Variants in KAZN observed in about 807,000 individuals in gnomAD.
The protein encoded by KAZN is kazrin, periplakin interacting protein.
In KAZN, 40 loss-of-function variants were observed where a neutral mutation model predicts 87.4. That is an observed-to-expected ratio of 0.46 (90% CI 0.36 to 0.60). The LOEUF (loss-of-function observed/expected upper bound fraction) is 0.60. Among genes scored for constraint, KAZN ranks in the 20% least tolerant of loss-of-function variants. The pLI is 0.00. For synonymous variants in KAZN, 466 were observed against 458.3 expected, an observed-to-expected ratio of 1.02 and a Z score of -0.22; for missense variants, 898 against 1,073.9, an observed-to-expected ratio of 0.84 and a Z score of 2.29.
At chr1:14,296,061 A>G (rs2185240) in intron 2 of KAZN, among the ~76,000 whole-genome samples, 13,029 of 152,200 alleles carry the variant, frequency 0.086, 722 homozygotes, top group African/African-American at 0.16. Context: ...TAGGGTTGCC[A>G]TAAGGATTAA....
rs111716688 is a variant in KAZN, at chr1:15,109,783, G to A, written c.2049-2644G>A. 4.6e-4 allele frequency among the ~76,000 whole-genome samples: 19 copies of A among 41,294 alleles called. 1 individual carries two copies. The South Asian group carries it at 0.01, about 23-fold the overall frequency. 27.1% of individuals were successfully genotyped at this position (41,294 alleles called of 152,430 possible). On this transcript the variant is annotated intron_variant, in intron 13 of 14. Transcript: ENST00000376030. ...TGTGTCTGTATGTCTGTGTATATAT[G>A]TGTTTGTGTGTATGTGTATGTGTGT...
chr1:14,697,239 C>T lies in KAZN; in HGVS notation c.226+98016C>T, dbSNP rs1005940156. On this transcript the variant is annotated intron_variant, in intron 1 of 14. Coordinates refer to ENST00000376030, the MANE Select transcript of KAZN (RefSeq NM_201628.3). ...CAGCTACTCCAGAGGCTGAGGCAGG[C>T]GGATTGTTTAAGCCCCGGGGGTCAA... Among the ~76,000 whole-genome samples the T allele has an allele frequency of 6.6e-5, 10 of 151,096 alleles. No individual in the cohort carries two copies. The South Asian group carries it at 8.4e-4, about 13-fold the overall frequency.
intron 1 of KAZN, among the ~76,000 whole-genome samples, chr1:13,990,555 G>A (rs1314002030): frequency 6.6e-6 from 1 of 152,286 alleles, no homozygotes; most frequent in Non-Finnish European, 1.5e-5. Context: ...GAGGGGACAC[G>A]CGGGAGCTTT....
chr1:14,754,078 A>G (rs1572398052), intron 1 of KAZN, among the ~76,000 whole-genome samples: 1 of 152,142 alleles, frequency 6.6e-6, no homozygotes, highest in African/African-American at 2.4e-5. Context: ...GGCTGTGTAC[A>G]TTTCAGAGAG....
At chr1:14,864,936 G>A (rs1169348897) in intron 1 of KAZN, among the ~76,000 whole-genome samples, 1 of 152,160 alleles carries the variant, frequency 6.6e-6, no homozygotes, top group Non-Finnish European at 1.5e-5. Context: ...GCTCAGACCA[G>A]CAGCCCCTGC....
Position 14,032,830 on chromosome 1 carries a change from C to T in KAZN, c.91+139074C>T, listed in dbSNP as rs1641386126. 2.0e-5 allele frequency among the ~76,000 whole-genome samples: 3 copies of T among 152,168 alleles called. No individual in the cohort carries two copies. The South Asian group carries it at 6.2e-4, about 31-fold the overall frequency. ...ATGAGAGCTGGCATTACTAAGCATACACTAAGTGCCAGAGGTACTGCAGGA... is the reference window on the plus strand; with the variant it reads ...ATGAGAGCTGGCATTACTAAGCATATACTAAGTGCCAGAGGTACTGCAGGA... On this transcript the variant is annotated intron_variant, in intron 1 of 16. Coordinates refer to the KAZN transcript ENST00000636203.
intron 1 of KAZN, among the ~76,000 whole-genome samples, chr1:14,685,959 A>G (rs1451841879): frequency 6.6e-6 from 1 of 152,232 alleles, no homozygotes; most frequent in African/African-American, 2.4e-5. Context: ...GCCCAAAGAG[A>G]TGGAGTAAAC....
At chr1:15,110,265 GTGTATA>G (rs1641498106) in intron 13 of KAZN, among the ~76,000 whole-genome samples, 1 of 151,302 alleles carries the variant, frequency 6.6e-6, no homozygotes, top group Middle Eastern at 3.4e-3. Flanking sequence ...GCACTTGTGT[GTGTATA>G]TGTGTGTATG....
Position 15,117,643 on chromosome 1 carries a change from G to C in KAZN, c.*3008G>C, listed in dbSNP as rs1470925969. The C allele has an allele frequency of 6.6e-6, 1 of 151,664 alleles. No individual in the cohort carries two copies. Among genetic ancestry groups the C allele is most frequent in the Non-Finnish European group, 1.5e-5 (1 of 68,208 alleles). The allele number at this position is 151,664 out of a possible 1,614,324, so 9.4% of individuals were successfully genotyped here. On this transcript the variant is annotated 3_prime_UTR_variant, in exon 15 of 15. Transcript: ENST00000376030. ...GGGTACTGGCAGAACAGGAAGATTT[G>C]GCCAGAGGTGACCTCAGTGTTCCCT...
intron 8 of KAZN, among the ~76,000 whole-genome samples, chr1:15,074,069 C>A (rs574501727): frequency 6.6e-6 from 1 of 152,366 alleles, no homozygotes; most frequent in Non-Finnish European, 1.5e-5. Flanking sequence ...TGGTCAAGGA[C>A]TCGCTGTGTG....
chr1:14,929,712 A>G, intron 1 of KAZN: 1 of 916,094 alleles, frequency 1.1e-6, no homozygotes. Context: ...GCATGGTTAT[A>G]AGGGGTGTGC....
chr1:14,519,601 C>A (rs1234873609), intron 2 of KAZN, among the ~76,000 whole-genome samples: 1 of 152,068 alleles, frequency 6.6e-6, no homozygotes, highest in East Asian at 1.9e-4. Context: ...TTTCTAAAGC[C>A]TAGGCCAGGG....
intron 1 of KAZN, among the ~76,000 whole-genome samples, chr1:14,106,386 G>A (rs1214127806): frequency 2.0e-5 from 3 of 152,148 alleles, no homozygotes; most frequent in East Asian, 1.9e-4. Flanking sequence ...AAATATCTCC[G>A]GGAAAGCTAA....
chr1:15,109,230 C>T (rs1174832072), intron 13 of KAZN, among the ~76,000 whole-genome samples: 1 of 152,076 alleles, frequency 6.6e-6, no homozygotes, highest in South Asian at 2.1e-4. Context: ...ACCAAAAATA[C>T]GAAAATTAGC....
intron 2 of KAZN, among the ~76,000 whole-genome samples, chr1:14,244,612 T>G (rs945242346): frequency 1.3e-5 from 2 of 151,560 alleles, no homozygotes; most frequent in African/African-American, 4.9e-5. Flanking sequence ...AAATGAAAGC[T>G]GGGGGAGGTA....
At chr1:14,123,685 T>A (rs1644798908) in intron 1 of KAZN, among the ~76,000 whole-genome samples, 1 of 152,180 alleles carries the variant, frequency 6.6e-6, no homozygotes, top group African/African-American at 2.4e-5. Context: ...GACTGCAGCC[T>A]CCCTTCAAGT....
intron 2 of KAZN, among the ~76,000 whole-genome samples, chr1:14,527,372 A>C (rs1347528367): frequency 1.4e-4 from 21 of 152,114 alleles, no homozygotes; most frequent in Admixed American, 1.4e-3. Flanking sequence ...AACATGGTGA[A>C]ACCCCGTCTC....
At chr1:14,672,565 A>G (rs986480633) in intron 1 of KAZN, among the ~76,000 whole-genome samples, 3 of 152,180 alleles carry the variant, frequency 2.0e-5, no homozygotes, top group African/African-American at 7.2e-5. Context: ...TGTCCAGTGT[A>G]TTACCTGTTG....
intron 2 of KAZN, among the ~76,000 whole-genome samples, chr1:14,204,516 C>T (rs1219944192): frequency 6.6e-6 from 1 of 152,134 alleles, no homozygotes; most frequent in Non-Finnish European, 1.5e-5. Context: ...ATAATTTGAT[C>T]TTTATTTCTT....
Sources: allele counts gnomAD v4.1 joint callset (sites outside exome capture counted in the v4.1 genomes callset), GRCh38; gene constraint gnomAD v4.1.1; transcripts MANE v1.5; gene names NCBI Gene and HGNC (gene_info 2026-07-23, HGNC 2026-07-21).